The following TTN variants were observed in gnomAD, a reference collection of about 807,000 sequenced individuals.
TTN encodes connectin.
TTN carries 1,525 observed loss-of-function variants against 3,223.0 expected under a neutral mutation model. The observed-to-expected ratio is 0.47, with a 90% confidence interval of 0.45 to 0.49. The LOEUF (loss-of-function observed/expected upper bound fraction) is 0.49. Among genes scored for constraint, TTN ranks in the 20% least tolerant of loss-of-function variants. The pLI, the probability that TTN is intolerant of heterozygous loss-of-function variation, is 0.00. For missense variants in TTN, 40,786 were observed against 43,424.0 expected (o/e 0.94, Z 5.40); for synonymous variants, 14,094 against 15,161.0 (o/e 0.93, Z 5.17).
In TTN at chr2:178,679,613, G is replaced by A. The variant is rs750612476; in HGVS notation, c.33650C>T (p.Ala11217Val). 1.4e-5 allele frequency: 23 copies of A among 1,611,076 alleles called. No individual in the cohort carries two copies. The Admixed American group carries it at 3.4e-4, about 24-fold the overall frequency. The change falls in exon 141 of 363, where the codon GCT becomes GTT. Residue 11217 changes from alanine (A) to valine (V), a missense_variant. Transcript: ENST00000589042. ...TGGTGGTGTACCTTTTGCCGGTGGA[G>A]CTTCCTTCTTCTTGGGAACAGGAAC... ...KPVPVPKKKE[A>V]PPAKVPEVPK...
intron 344 of TTN, 64 bp from the exon 345 acceptor site, chr2:178,544,570 T>A (rs891208652): frequency 4.1e-6 from 6 of 1,457,094 alleles, no homozygotes. Context: ...GATTTGTATT[T>A]TTTGTTTTCA....
Position 178,565,336 on chromosome 2 carries a change from A to C in TTN, c.80796T>G (p.Ala26932=), listed in dbSNP as rs1171764754. ...CTTTAATGTGCAAAACAGTTGAGGT[A>C]GCTGTTTCTTCAACGTTTACTCTTG... ...QTTRVNVEET[A]TSTVLHIKEG... is the part of the protein sequence containing the mutation. Residue 26932 remains alanine, a synonymous_variant, in exon 326 of 363, where the codon GCT becomes GCG. Coordinates refer to ENST00000589042, the MANE Select transcript of TTN (RefSeq NM_001267550.2). 2 of 1,613,536 alleles carry C rather than the reference A, an allele frequency of 1.2e-6. No individual in the cohort carries two copies. The highest frequency in any genetic ancestry group is 1.7e-6 in the Non-Finnish European group (2 of 1,179,686).
At chr2:178,647,976 G>A (rs2062287458) in intron 213 of TTN, among the ~76,000 whole-genome samples, 1 of 152,024 alleles carries the variant, frequency 6.6e-6, no homozygotes, top group Non-Finnish European at 1.5e-5. Context: ...TTTGATAATG[G>A]TCAGAGGCCA....
At position 178,620,468 on chromosome 2, in the gene TTN, A is replaced by C; in HGVS notation, c.46053T>G (p.Val15351=). 1 of 1,612,346 alleles carries C rather than the reference A, an allele frequency of 6.2e-7. No individual in the cohort carries two copies. The highest frequency in any genetic ancestry group is 8.5e-7 in the Non-Finnish European group (1 of 1,178,964). ...VPFDNRVSYR[V]DKYKHMLTIK... The stretch of plus-strand genomic sequence containing the variant: ...TGGTTAACATGTGCTTGTACTTATC[A>C]ACTCTGTATGAGACACGGTTGTCAA... Residue 15351 remains valine (V), a synonymous_variant, in exon 248 of 363, where the codon GTT becomes GTG. Transcript: ENST00000589042.
At position 178,795,068 on chromosome 2, in the gene TTN, A is replaced by T; in HGVS notation, c.1099T>A (p.Ser367Thr). The T allele has an allele frequency of 6.2e-7, 1 of 1,613,892 alleles. No homozygotes were observed. Among genetic ancestry groups the T allele is most frequent in the South Asian group, 1.1e-5 (1 of 91,084 alleles). ...AEMRETTLTT[S>T]TQIRTEERWE... ...CTCTCTTCTGTCCTGATCTGAGTAG[A>T]GGTTGTCAGCGTTGTCTCTCTCATC... is the stretch of plus-strand genomic sequence containing the variant. The change falls in exon 7 of 363, where the codon TCT becomes ACT. Residue 367 changes from serine to threonine, a missense_variant. By Grantham distance (58) the Ser-to-Thr change is moderately conservative. Coordinates refer to ENST00000589042, the MANE Select transcript of TTN (RefSeq NM_001267550.2).
Position 178,567,950 on chromosome 2 carries a change from T to C in TTN, c.78182A>G (p.Tyr26061Cys). Residue 26061 changes from tyrosine to cysteine, a missense_variant, in exon 326 of 363, where the codon TAT becomes TGT. Transcript: ENST00000589042. ...KAQNLEEGIE[Y>C]EFRVYAENIV... ...ATTTTCAGCATACACTCTGAATTCA[T>C]ATTCAATGCCTTCTTCAAGATTCTG... The C allele has an allele frequency of 6.2e-7, 1 of 1,613,580 alleles. No individual in the cohort carries two copies. The highest frequency in any genetic ancestry group is 8.5e-7 in the Non-Finnish European group (1 of 1,179,600).
Position 178,709,627 on chromosome 2 carries a change from G to A in TTN, c.28692C>T (p.Tyr9564=), listed in dbSNP as rs749105848. Residue 9564 remains tyrosine, a synonymous_variant, in exon 99 of 363, where the codon TAC becomes TAT. Transcript: ENST00000589042. ...CTGCATCATTGGACACTTTGCATGT[G>A]TACAAACCAGCGTCGTTCATGCCTG... ...RKAGMNDAGL[Y]TCKVSNDAGS... is the part of the protein sequence containing the mutation. 1.5e-5 allele frequency: 24 copies of A among 1,613,780 alleles called. 1 individual carries two copies. The Admixed American group carries it at 3.8e-4, about 26-fold the overall frequency.
Position 178,760,273 on chromosome 2 carries a change from T to C in TTN, c.10115-1101A>G, listed in dbSNP as rs145681748. Among the ~76,000 whole-genome samples, 836 of 152,310 alleles carry C rather than the reference T, an allele frequency of 5.5e-3. 9 individuals are homozygous for C. The highest frequency in any genetic ancestry group is 0.019 in the African/African-American group (798 of 41,562). On this transcript the variant is annotated intron_variant, in intron 43 of 362. Coordinates refer to ENST00000589042, the MANE Select transcript of TTN (RefSeq NM_001267550.2). ...CTGGCCAGGCGCGGTGCTTCACACC[T>C]GTAATCCCAGCACTTTGGGAGGCTG...
chr2:178,693,920 A>T lies in TTN; in HGVS notation c.31513+2T>A, dbSNP rs779969900. 1 of 1,612,498 alleles carries T rather than the reference A, an allele frequency of 6.2e-7. No homozygotes were observed. The highest frequency in any genetic ancestry group is 1.7e-5 in the Admixed American group (1 of 59,858). On this transcript the variant is annotated splice_donor_variant, in intron 118 of 362. Transcript: ENST00000589042. LOFTEE classifies it high-confidence loss of function. ...GCCCCCACATTCCAGTTTGCCTTATACCTGTGACTGACACCTCCTCCTCTG... is the reference window on the plus strand; with the variant it reads ...GCCCCCACATTCCAGTTTGCCTTATTCCTGTGACTGACACCTCCTCCTCTG...
At chr2:178,673,797 C>A (rs2067466580) in intron 151 of TTN, 87 bp from the exon 152 acceptor site, 3 of 948,044 alleles carry the variant, frequency 3.2e-6, no homozygotes, top group Non-Finnish European at 4.7e-6. Context: ...TATCACAAAA[C>A]ATTGACTTAT....
Position 178,723,910 on chromosome 2 carries a change from C to G in TTN, c.21349G>C (p.Val7117Leu). ...DSSDMGNYTC[V>L]AANVAGSDEC... The stretch of plus-strand genomic sequence containing the variant: ...TCAGACCCAGCGACATTAGCAGCCA[C>G]GCATGTGTAATTGCCCATATCTGAG... Residue 7117 changes from valine (V) to leucine (L), a missense_variant, in exon 73 of 363, where the codon GTG becomes CTG. Transcript: ENST00000589042. 6.8e-6 allele frequency: 11 copies of G among 1,613,416 alleles called. No homozygotes were observed. The highest frequency in any genetic ancestry group is 8.5e-6 in the Non-Finnish European group (10 of 1,179,520).
chr2:178,554,308 T>C, intron 332 of TTN, 92 bp from the exon 333 acceptor site: 1 of 1,445,836 alleles, frequency 6.9e-7, no homozygotes, highest in Non-Finnish European at 9.4e-7. Context: ...AGAACATTGG[T>C]TTTATTTTTT....
intron 46 of TTN, among the ~76,000 whole-genome samples, chr2:178,754,772 T>G (rs1258011642): frequency 3.3e-5 from 5 of 152,198 alleles, no homozygotes; most frequent in Admixed American, 2.6e-4. Flanking sequence ...TAGACCTCAG[T>G]TCTTGAGATA....
intron 231 of TTN, 48 bp downstream of exon 231, chr2:178,633,769 T>A: frequency 6.2e-7 from 1 of 1,607,558 alleles, no homozygotes; most frequent in Non-Finnish European, 8.5e-7. Flanking sequence ...TACTCCCCAC[T>A]CCCATGATTC....
intron 60 of TTN, 21 bp from the exon 61 acceptor site, chr2:178,730,813 C>G: frequency 6.5e-6 from 10 of 1,540,972 alleles, no homozygotes; most frequent in Non-Finnish European, 8.7e-6. Context: ...AAAAAGCAAA[C>G]AACAACAAAA....
rs2081380830 is a variant in TTN, at chr2:178,736,005, A to C, written c.14441T>G (p.Phe4814Cys). The C allele has an allele frequency of 1.2e-6, 2 of 1,613,190 alleles. No homozygotes were observed. Among genetic ancestry groups the C allele is most frequent in the Non-Finnish European group, 1.7e-6 (2 of 1,179,354 alleles). The change falls in exon 50 of 363, where the codon TTC becomes TGC. Residue 4814 changes from phenylalanine (F) to cysteine (C), a missense_variant. Phe to Cys is a radical substitution (Grantham distance 205). Coordinates refer to ENST00000589042, the MANE Select transcript of TTN (RefSeq NM_001267550.2). The stretch of plus-strand genomic sequence containing the variant: ...AGGAGTCCCTGTCACTGTGCAGATG[A>C]ACTTGGCTGCCTTACCCACAAAAGT... ...LTTFVGKAAK[F>C]ICTVTGTPVI...
rs1220843924 is a variant in TTN at position 178,563,509 on chromosome 2, T to C, written c.82623A>G (p.Glu27541=). 1 of 1,613,796 alleles carries C rather than the reference T, an allele frequency of 6.2e-7. No homozygotes were observed. The highest frequency in any genetic ancestry group is 1.3e-5 in the African/African-American group (1 of 75,048). ...CTGCATTTTCAGCAGCAACTCTGAA[T>C]TCATAGGAATGGCCTTCGGTAAGAC... The part of the protein sequence containing the change: ...VTGLTEGHSY[E]FRVAAENAAG... Residue 27541 remains glutamate (E), a synonymous_variant, in exon 326 of 363, where the codon GAA becomes GAG. Coordinates refer to ENST00000589042, the MANE Select transcript of TTN (RefSeq NM_001267550.2). This position sits in a 1 kb window ranked among gnomAD's most constrained non-coding sequence, Gnocchi z 4.5.
At chr2:178,699,633 G>A (rs1471213581) in intron 111 of TTN, among the ~76,000 whole-genome samples, 2 of 143,302 alleles carry the variant, frequency 1.4e-5, no homozygotes, top group African/African-American at 5.1e-5. Flanking sequence ...AGATGGTCTC[G>A]ATCTCCTGAC....
In TTN at chr2:178,578,076, T is replaced by C. The variant is rs2046850869; in HGVS notation, c.68439A>G (p.Glu22813=). ...FKVTGLTEGL[E]YEFRVMAINL... ...TGATTGCCATAACTCGGAATTCATA[T>C]TCAAGACCTTCAGTTAATCCTGTCA... The change falls in exon 322 of 363, where the codon GAA becomes GAG. Residue 22813 remains glutamate, a synonymous_variant. Transcript: ENST00000589042. 6.2e-7 allele frequency: 1 copy of C among 1,613,330 alleles called. No homozygotes were observed.
Sources: gnomAD v4.1 joint callset for allele counts (sites outside exome capture counted in the v4.1 genomes callset) on GRCh38, gnomAD v4.1.1 for gene constraint, Gnocchi (gnomAD v3.1) non-coding constraint, MANE v1.5 for transcripts, NCBI Gene and HGNC (gene_info 2026-07-23, HGNC 2026-07-21) for gene names.